The following IFNLR1 variants were observed in gnomAD, a reference collection of about 807,000 sequenced individuals.
IFNLR1 encodes interferon lambda receptor 1.
IFNLR1 carries 28 observed loss-of-function variants against 52.5 expected under a neutral mutation model. That is an observed-to-expected ratio of 0.53 (90% CI 0.40 to 0.73). The LOEUF (loss-of-function observed/expected upper bound fraction) is 0.73, where lower values mean the gene tolerates loss of function less well. Among genes scored for constraint, IFNLR1 ranks in the 30% least tolerant of loss-of-function variants. IFNLR1 has a pLI of 0.00. For synonymous variants in IFNLR1, 276 were observed against 274.9 expected (o/e 1.00, Z -0.04); for missense variants, 623 against 659.1 (o/e 0.95, Z 0.60).
At chr1:24,160,038 G>A (rs1644426342) in intron 4 of IFNLR1, among the ~76,000 whole-genome samples, 1 of 152,160 alleles carries the variant, frequency 6.6e-6, no homozygotes, top group African/African-American at 2.4e-5. Context: ...TAAAGTTTAA[G>A]CATTGAGGAA....
intron 2 of IFNLR1, among the ~76,000 whole-genome samples, chr1:24,172,193 C>A (rs2148597199): frequency 6.6e-6 from 1 of 152,170 alleles, no homozygotes; most frequent in Non-Finnish European, 1.5e-5. Flanking sequence ...CCAAATAACA[C>A]AAATGAAAAC....
Position 24,159,510 on chromosome 1 carries a change from A to G in IFNLR1, c.634T>C (p.Phe212Leu). The G allele has an allele frequency of 6.2e-7, 1 of 1,614,168 alleles. No homozygotes were observed. Among genetic ancestry groups the G allele is most frequent in the Non-Finnish European group, 8.5e-7 (1 of 1,180,028 alleles). Reference sequence around the variant, plus strand: ...AGCAAGAAGCAGGTGGGCTTAGAGAACTTGCTGTATTTCGGGACACTGAAC... The same window carrying G: ...AGCAAGAAGCAGGTGGGCTTAGAGAGCTTGCTGTATTTCGGGACACTGAAC... ...YTFSVPKYSK[F>L]SKPTCFLLEV... Residue 212 changes from phenylalanine (F) to leucine (L), a missense_variant, in exon 5 of 7, where the codon TTC becomes CTC. Physicochemically the swap from Phe to Leu is conservative, Grantham distance 22 (BLOSUM62 0). Transcript: ENST00000327535.
intron 3 of IFNLR1, among the ~76,000 whole-genome samples, chr1:24,166,758 G>T (rs1644524770): frequency 6.7e-6 from 1 of 149,120 alleles, no homozygotes; most frequent in African/African-American, 2.5e-5. Context: ...TCCCTATGTT[G>T]CCTAGGCTGG....
intron 1 of IFNLR1, among the ~76,000 whole-genome samples, chr1:24,185,173 G>T (rs3932664): frequency 0.87 from 132,798 of 152,174 alleles, 58,207 homozygotes; most frequent in African/African-American, 0.91. Flanking sequence ...AATTATAATC[G>T]TTACAGATGG....
intron 4 of IFNLR1, among the ~76,000 whole-genome samples, 189 bp from the exon 5 acceptor site, chr1:24,159,822 C>T (rs1380438271): frequency 6.6e-6 from 1 of 150,408 alleles, no homozygotes; most frequent in African/African-American, 2.5e-5. Context: ...CAGCTCACTG[C>T]AGCCTCAAAC....
At chr1:24,182,899 A>C (rs764433465) in intron 1 of IFNLR1, among the ~76,000 whole-genome samples, 63 of 150,902 alleles carry the variant, frequency 4.2e-4, no homozygotes, top group Admixed American at 1.6e-3. Flanking sequence ...CAGCCTGGTG[A>C]CACAGTGAGA....
At chr1:24,178,438 C>G (rs1447093744) in intron 2 of IFNLR1, among the ~76,000 whole-genome samples, 1 of 152,140 alleles carries the variant, frequency 6.6e-6, no homozygotes, top group African/African-American at 2.4e-5. Flanking sequence ...GGAGAAATGG[C>G]TGACTGCAGG....
intron 3 of IFNLR1, among the ~76,000 whole-genome samples, chr1:24,164,690 T>C (rs1393117412): frequency 2.0e-5 from 3 of 152,224 alleles, no homozygotes; most frequent in African/African-American, 4.8e-5. Flanking sequence ...TTTGATCTTT[T>C]ATCTTCCTGA....
intron 1 of IFNLR1, 72 bp downstream of exon 1, chr1:24,187,119 G>A (rs1256090964): frequency 6.6e-6 from 7 of 1,059,408 alleles, no homozygotes; most frequent in Non-Finnish European, 8.9e-6. Flanking sequence ...CAGGAGCTCC[G>A]GGTCCGAGGG....
chr1:24,168,082 C>T (rs1644538291), intron 3 of IFNLR1, among the ~76,000 whole-genome samples: 1 of 152,130 alleles, frequency 6.6e-6, no homozygotes, highest in African/African-American at 2.4e-5. Flanking sequence ...TCCTCCATCT[C>T]TCTATCCACA....
chr1:24,164,558 C>T (rs1281227226), intron 3 of IFNLR1, among the ~76,000 whole-genome samples: 1 of 152,154 alleles, frequency 6.6e-6, no homozygotes, highest in African/African-American at 2.4e-5. Context: ...CTACTTTTGG[C>T]TCCAGCTGAG....
intron 1 of IFNLR1, among the ~76,000 whole-genome samples, chr1:24,186,770 C>T (rs1460444968): frequency 6.6e-6 from 1 of 152,182 alleles, no homozygotes; most frequent in East Asian, 1.9e-4. Context: ...GAGCTCCGTC[C>T]CACCAGAGGC....
chr1:24,185,199 C>T (rs1055608554), intron 1 of IFNLR1, among the ~76,000 whole-genome samples: 3 of 152,110 alleles, frequency 2.0e-5, no homozygotes, highest in Non-Finnish European at 4.4e-5. Context: ...CCAAGGCCCT[C>T]TCAGCTATTA....
At chr1:24,159,321 T>G in intron 5 of IFNLR1, 139 bp from the exon 6 acceptor site, 4 of 1,286,788 alleles carry the variant, frequency 3.1e-6, no homozygotes, top group Non-Finnish European at 4.4e-6. Context: ...CAAACCAAGG[T>G]TTGGGGCATT....
chr1:24,170,737 A>G (rs988917053), intron 2 of IFNLR1, among the ~76,000 whole-genome samples: 1 of 152,198 alleles, frequency 6.6e-6, no homozygotes, highest in African/African-American at 2.4e-5. Flanking sequence ...GATGGTGGAG[A>G]CAGTGAGAAA....
intron 3 of IFNLR1, among the ~76,000 whole-genome samples, chr1:24,162,723 CT>C (rs139240519): frequency 0.85 from 93,658 of 109,806 alleles, 39,830 homozygotes; most frequent in African/African-American, 0.87. Context: ...TTCTTTCTTT[CT>C]TTTCTTTCTT....
chr1:24,167,861 A>T (rs1023514915), intron 3 of IFNLR1, among the ~76,000 whole-genome samples: 1 of 148,286 alleles, frequency 6.7e-6, no homozygotes, highest in Non-Finnish European at 1.5e-5. Flanking sequence ...CGCCCAACTA[A>T]TTTTTTTTTG....
intron 2 of IFNLR1, among the ~76,000 whole-genome samples, chr1:24,173,127 C>CAA (rs60148493): frequency 0.049 from 5,187 of 106,756 alleles, 374 homozygotes; most frequent in African/African-American, 0.16. Flanking sequence ...TTTTCTCTTC[C>CAA]AAAAAAAAAA....
At chr1:24,185,980 C>T (rs556564044) in intron 1 of IFNLR1, among the ~76,000 whole-genome samples, 46 of 152,302 alleles carry the variant, frequency 3.0e-4, no homozygotes, top group African/African-American at 1.1e-3. Context: ...GTGTGGGAGC[C>T]AGTATTTGAA....
Sources: allele counts gnomAD v4.1 joint callset (sites outside exome capture counted in the v4.1 genomes callset), GRCh38; gene constraint gnomAD v4.1.1; transcripts MANE v1.5; gene names NCBI Gene and HGNC (gene_info 2026-07-23, HGNC 2026-07-21).